BLM: variants seen among roughly 807,000 people sequenced by gnomAD.
BLM encodes BLM RecQ like helicase, also known as recQ-like DNA helicase BLM.
BLM carries 95 observed loss-of-function variants against 135.3 expected under a neutral mutation model. The ratio of observed to expected loss-of-function variants is 0.70; its 90% CI spans 0.59 to 0.83. The LOEUF is 0.83. Ranked by LOEUF, BLM falls within the 40% of genes least tolerant of loss-of-function variation. The pLI is 0.00. For missense variants in BLM, 1,518 were observed against 1,663.9 expected (o/e 0.91, Z 1.53); for synonymous variants, 520 against 589.2 (o/e 0.88, Z 1.70).
In BLM at chr15:90,740,265, C is replaced by T. The variant is rs143283372; in HGVS notation, c.-4-7124C>T. On this transcript the variant is annotated intron_variant, in intron 1 of 21. Transcript: ENST00000355112. ...CTCATCTTTCCCAACCCTAGGCAAT[C>T]AGTAGTCTACACTGTATCCATGGAT... 1.8e-3 allele frequency among the ~76,000 whole-genome samples: 268 copies of T among 152,292 alleles called. 1 individual carries two copies. Among genetic ancestry groups the T allele is most frequent in the African/African-American group, 5.8e-3 (243 of 41,570 alleles).
intron 14 of BLM, among the ~76,000 whole-genome samples, chr15:90,788,930 G>GCC (rs1896828668): frequency 6.8e-6 from 1 of 147,480 alleles, no homozygotes; most frequent in Non-Finnish European, 1.5e-5. Context: ...CCAAAATCAC[G>GCC]CCACTGCATT....
chr15:90,745,534 T>G (rs910944896), intron 1 of BLM, among the ~76,000 whole-genome samples: 4 of 152,082 alleles, frequency 2.6e-5, no homozygotes, highest in African/African-American at 9.7e-5. Context: ...CTCAGCCTCC[T>G]GAGTAGCAGG....
At chr15:90,745,304 A>G (rs1274860646) in intron 1 of BLM, among the ~76,000 whole-genome samples, 1 of 152,224 alleles carries the variant, frequency 6.6e-6, no homozygotes, top group African/African-American at 2.4e-5. Context: ...CCATGAGTTC[A>G]TAATGATACT....
chr15:90,730,481 G>A (rs1895037444), intron 1 of BLM, among the ~76,000 whole-genome samples: 1 of 151,834 alleles, frequency 6.6e-6, no homozygotes, highest in Non-Finnish European at 1.5e-5. Flanking sequence ...GTGGAGTCTT[G>A]CTCTGCCACC....
intron 1 of BLM, among the ~76,000 whole-genome samples, chr15:90,727,950 G>A (rs1894961055): frequency 6.6e-6 from 1 of 151,944 alleles, no homozygotes; most frequent in South Asian, 2.1e-4. Flanking sequence ...TGAATTTGAG[G>A]AGAATTAGCA....
At chr15:90,720,985 G>C (rs566576717) in intron 1 of BLM, among the ~76,000 whole-genome samples, 11 of 152,170 alleles carry the variant, frequency 7.2e-5, no homozygotes, top group African/African-American at 2.6e-4. Flanking sequence ...TTGAGCCTGG[G>C]AGTTCAAGAC....
intron 1 of BLM, among the ~76,000 whole-genome samples, chr15:90,718,927 T>C (rs1421795135): frequency 1.7e-4 from 26 of 152,162 alleles, no homozygotes; most frequent in Admixed American, 1.7e-3. Flanking sequence ...GTTTATTGTT[T>C]TGATTTTTAA....
At position 90,773,424 on chromosome 15, in the gene BLM, A is replaced by G. The variant is rs1896381021; in HGVS notation, c.2555+3838A>G. Among the ~76,000 whole-genome samples the G allele has an allele frequency of 2.6e-5, 4 of 152,166 alleles. No individual in the cohort carries two copies. In the South Asian group the frequency reaches 8.3e-4, roughly 32 times the overall value. On this transcript the variant is annotated intron_variant, in intron 12 of 21. Coordinates refer to ENST00000355112, the MANE Select transcript of BLM (RefSeq NM_000057.4). ...GATAGAGCGAGACTCCATCTGAAAA[A>G]CAAACAAACAAAAAAAGGCTTAAAC...
At chr15:90,811,169 A>C in intron 20 of BLM, 36 bp from the exon 21 acceptor site, 1 of 1,608,078 alleles carries the variant, frequency 6.2e-7, no homozygotes, top group Non-Finnish European at 8.5e-7. Context: ...GACCAGTGCG[A>C]CATCACCTGT....
chr15:90,796,938 G>A (rs962933249), intron 16 of BLM, among the ~76,000 whole-genome samples: 1 of 152,166 alleles, frequency 6.6e-6, no homozygotes, highest in African/African-American at 2.4e-5. Context: ...AATACCACAT[G>A]GTATGAGTTG....
At chr15:90,764,308 A>G (rs1896064661) in intron 8 of BLM, among the ~76,000 whole-genome samples, 1 of 149,378 alleles carries the variant, frequency 6.7e-6, no homozygotes, top group Non-Finnish European at 1.5e-5. Flanking sequence ...ATTATAATAT[A>G]TAGTGTGTGT....
intron 1 of BLM, among the ~76,000 whole-genome samples, chr15:90,728,428 ACT>A (rs1472545777): frequency 6.6e-6 from 1 of 152,000 alleles, no homozygotes; most frequent in Non-Finnish European, 1.5e-5. Context: ...ACAGGGTCTC[ACT>A]CTGTCACCCA....
chr15:90,758,905 A>G (rs967297983), intron 5 of BLM, among the ~76,000 whole-genome samples: 2 of 152,196 alleles, frequency 1.3e-5, no homozygotes, highest in African/African-American at 4.8e-5. Context: ...TGGTAACAGT[A>G]TATGTTACCA....
At chr15:90,789,800 A>AG (rs1896851421) in intron 14 of BLM, among the ~76,000 whole-genome samples, 1 of 152,116 alleles carries the variant, frequency 6.6e-6, no homozygotes, top group Non-Finnish European at 1.5e-5. Context: ...CTAAAAAAAA[A>AG]CTTGCAGTTT....
At chr15:90,773,320 T>C (rs1201903286) in intron 12 of BLM, among the ~76,000 whole-genome samples, 1 of 151,766 alleles carries the variant, frequency 6.6e-6, no homozygotes, top group African/African-American at 2.4e-5. Flanking sequence ...CTTGAAAGGC[T>C]GAGACAGGAA....
At chr15:90,778,605 C>T (rs1447019674) in intron 12 of BLM, among the ~76,000 whole-genome samples, 2 of 152,156 alleles carry the variant, frequency 1.3e-5, no homozygotes, top group African/African-American at 2.4e-5. Flanking sequence ...CTGGGTATCT[C>T]GTGTAAATAG....
chr15:90,720,148 T>G (rs1875643604), intron 1 of BLM, among the ~76,000 whole-genome samples: 1 of 152,328 alleles, frequency 6.6e-6, no homozygotes, highest in South Asian at 2.1e-4. Flanking sequence ...GCATTGTAAT[T>G]ATTTGTTGAC....
chr15:90,814,640 T>C (rs776381342), intron 21 of BLM, among the ~76,000 whole-genome samples: 1 of 152,168 alleles, frequency 6.6e-6, no homozygotes. Context: ...CCATGCATGC[T>C]CACCCCACAG....
intron 19 of BLM, among the ~76,000 whole-genome samples, chr15:90,807,903 C>T (rs940597930): frequency 2.0e-5 from 3 of 152,214 alleles, no homozygotes; most frequent in Non-Finnish European, 2.9e-5. Flanking sequence ...ACTAAGTTCT[C>T]ACAAGCATGA....
Sources: gnomAD v4.1 joint callset for allele counts (sites outside exome capture counted in the v4.1 genomes callset) on GRCh38, gnomAD v4.1.1 for gene constraint, MANE v1.5 for transcripts, NCBI Gene and HGNC (gene_info 2026-07-23, HGNC 2026-07-21) for gene names.